The following POLR1A variants were observed in gnomAD, a reference collection of about 807,000 sequenced individuals.
POLR1A encodes RNA polymerase I subunit A, also known as DNA-directed RNA polymerase I subunit RPA1.
Under a neutral mutation model 205.3 loss-of-function variants are expected in POLR1A, and 84 were observed. The observed-to-expected ratio is 0.41, with a 90% CI of 0.34 to 0.49. The LOEUF (loss-of-function observed/expected upper bound fraction) is 0.49, where lower values mean the gene tolerates loss of function less well. Ranked by LOEUF, POLR1A falls within the 20% of genes least tolerant of loss-of-function variation. POLR1A has a pLI of 0.22. For synonymous variants in POLR1A, 799 were observed against 863.7 expected (o/e 0.93, Z 1.31); for missense variants, 1,645 against 2,204.5 (o/e 0.75, Z 5.08).
chr2:86,095,549 G>T (rs1673687952), intron 3 of POLR1A, among the ~76,000 whole-genome samples: 1 of 151,968 alleles, frequency 6.6e-6, no homozygotes, highest in Non-Finnish European at 1.5e-5. Flanking sequence ...ATTTTTAATA[G>T]CACCAGAAAT....
rs546264748 is a variant in POLR1A, at chr2:86,105,012, A to G, written c.77+688T>C. 2.0e-5 allele frequency among the ~76,000 whole-genome samples: 3 copies of G among 152,390 alleles called. No homozygotes were observed. In the South Asian group the frequency reaches 6.2e-4, roughly 32 times the overall value. On this transcript the variant is annotated intron_variant, in intron 1 of 33. Coordinates refer to ENST00000263857, the MANE Select transcript of POLR1A (RefSeq NM_015425.6). ...ACATTTAAGGAGTAAAATGAGGTAC[A>G]GACCTTGCTCACCAATGTGTCATTA...
Position 86,028,094 on chromosome 2 carries a change from C to T in POLR1A, c.4898-45G>A, listed in dbSNP as rs200762493. ...ATTAGGAGGGATTAAGCAGTGACCACGGGAGCAGTCAGCAGACACAAGCCA... is the reference window on the plus strand; with the variant it reads ...ATTAGGAGGGATTAAGCAGTGACCATGGGAGCAGTCAGCAGACACAAGCCA... On this transcript the variant is annotated intron_variant, in intron 32 of 33. Transcript: ENST00000263857. The surrounding 1 kb of genome is among the most constrained non-coding windows in gnomAD (Gnocchi z 4.5). The T allele has an allele frequency of 8.8e-5, 140 of 1,596,266 alleles. No homozygotes were observed. In the Admixed American group the frequency reaches 1.2e-3, roughly 14 times the overall value.
chr2:86,034,673 A>G (rs1388271182), intron 27 of POLR1A, among the ~76,000 whole-genome samples: 1 of 152,144 alleles, frequency 6.6e-6, no homozygotes, highest in Non-Finnish European at 1.5e-5. Flanking sequence ...ACATCCAGCC[A>G]GCCGTCCCAC....
chr2:86,103,320 C>G (rs945685906), intron 1 of POLR1A, among the ~76,000 whole-genome samples: 1 of 151,978 alleles, frequency 6.6e-6, no homozygotes, highest in Non-Finnish European at 1.5e-5. Flanking sequence ...TGGATGTGTG[C>G]CCGTGGTGCT....
intron 6 of POLR1A, among the ~76,000 whole-genome samples, chr2:86,084,770 G>A (rs1037671990): frequency 2.0e-5 from 3 of 146,432 alleles, no homozygotes; most frequent in South Asian, 2.2e-4. Flanking sequence ...AGGTTCATGC[G>A]ATTCTCCTAC....
intron 6 of POLR1A, among the ~76,000 whole-genome samples, chr2:86,086,127 C>T (rs1360692332): frequency 1.3e-5 from 2 of 152,046 alleles, no homozygotes; most frequent in African/African-American, 2.4e-5. Context: ...GGCACAATCT[C>T]GGCTCACTGC....
chr2:86,096,915 G>A (rs1673714664), intron 3 of POLR1A, among the ~76,000 whole-genome samples: 1 of 152,110 alleles, frequency 6.6e-6, no homozygotes, highest in Non-Finnish European at 1.5e-5. Context: ...TCAGTCAACA[G>A]AGTGAAAAGA....
intron 12 of POLR1A, among the ~76,000 whole-genome samples, chr2:86,074,017 T>C (rs575948451): frequency 2.0e-5 from 3 of 152,206 alleles, no homozygotes; most frequent in Non-Finnish European, 4.4e-5. Context: ...AGAGGTGACT[T>C]GATCTATGTT....
In POLR1A at chr2:86,041,951, G is replaced by A. The variant is rs755868436; in HGVS notation, c.3510C>T (p.Tyr1170=). ...CTGTTTGAGCTGCCCACTCTTGACTGTAGTCATCAACCTTTGTTTCAAATG... is the reference window on the plus strand; with the variant it reads ...CTGTTTGAGCTGCCCACTCTTGACTATAGTCATCAACCTTTGTTTCAAATG... The part of the protein sequence containing the change: ...SETFETKVDD[Y]SQEWAAQTEK... Residue 1170 remains tyrosine (Y), a synonymous_variant, in exon 24 of 34, where the codon TAC becomes TAT. Transcript: ENST00000263857. 11 of 1,614,208 alleles carry A rather than the reference G, an allele frequency of 6.8e-6. No homozygotes were observed. The highest frequency in any genetic ancestry group is 8.5e-6 in the Non-Finnish European group (10 of 1,180,016).
At chr2:86,104,804 T>C (rs1673889727) in intron 1 of POLR1A, among the ~76,000 whole-genome samples, 1 of 152,200 alleles carries the variant, frequency 6.6e-6, no homozygotes, top group Non-Finnish European at 1.5e-5. Context: ...GCATTTAAGA[T>C]CTCTGTGTGA....
At chr2:86,045,813 T>C (rs1247348958) in intron 19 of POLR1A, 44 bp from the exon 20 acceptor site, 4 of 1,533,794 alleles carry the variant, frequency 2.6e-6, no homozygotes, top group Non-Finnish European at 1.8e-6. Context: ...TCCACATGTG[T>C]GTTTAACAGT....
chr2:86,068,386 C>CGG (rs543719645), intron 13 of POLR1A, among the ~76,000 whole-genome samples: 428 of 12,216 alleles, frequency 0.035, 63 homozygotes, highest in South Asian at 0.061. Flanking sequence ...AGCACATGGG[C>CGG]GGGGGGGGGG....
intron 21 of POLR1A, among the ~76,000 whole-genome samples, chr2:86,044,641 A>G (rs921194082): frequency 6.6e-6 from 1 of 152,222 alleles, no homozygotes; most frequent in Non-Finnish European, 1.5e-5. Context: ...AGAGCTCCCC[A>G]GAGACCAGTG....
At position 86,052,948 on chromosome 2, in the gene POLR1A, T is replaced by C. The variant is rs1343102784; in HGVS notation, c.2261A>G (p.Tyr754Cys). ...GACCAGGCCGTAGGCGGAGCTCCCA[T>C]AGTGCGCCTTGTCCAGCACTCCGCA... Reference protein sequence around the residue: ...LLCGVLDKAHYGSSAYGLVHC... With the variant: ...LLCGVLDKAHCGSSAYGLVHC... Residue 754 changes from tyrosine (Y) to cysteine (C), a missense_variant, in exon 16 of 34, where the codon TAT becomes TGT. By Grantham distance (194) the Tyr-to-Cys change is radical. Transcript: ENST00000263857. The C allele has an allele frequency of 3.7e-6, 6 of 1,608,490 alleles. No homozygotes were observed. Among genetic ancestry groups the C allele is most frequent in the South Asian group, 3.3e-5 (3 of 90,602 alleles).
intron 31 of POLR1A, 35 bp downstream of exon 31, chr2:86,030,161 T>C (rs1672358024): frequency 6.4e-7 from 1 of 1,560,884 alleles, no homozygotes; most frequent in Non-Finnish European, 8.8e-7. Context: ...TGAGGACTAA[T>C]GCTTTGTCCC....
At chr2:86,032,545 G>A (rs1169727497) in intron 28 of POLR1A, among the ~76,000 whole-genome samples, 163 bp from the exon 29 acceptor site, 5 of 151,600 alleles carry the variant, frequency 3.3e-5, no homozygotes, top group African/African-American at 7.3e-5. Flanking sequence ...AACCCAACCC[G>A]TCTACTGGCA....
rs1233603686 is a variant in POLR1A at position 86,078,140 on chromosome 2, T to C, written c.1231A>G (p.Met411Val). The part of the protein sequence containing the change: ...VFDSEMDKLM[M>V]DKYPGIRQIL... ...TGCCTAATGCCTGGGTACTTGTCCA[T>C]CATTAGTTTGTCCATCTCGCTATCA... is the stretch of plus-strand genomic sequence containing the variant. The change falls in exon 10 of 34, where the codon ATG (methionine) becomes GTG (valine). Residue 411 changes from methionine to valine, a missense_variant. Physicochemically the swap from Met to Val is conservative, Grantham distance 21. This residue lies in a region of POLR1A where 131 missense variants were observed against 214.5 expected (regional missense o/e 0.61). Transcript: ENST00000263857. 1 of 1,613,278 alleles carries C rather than the reference T, an allele frequency of 6.2e-7. No individual in the cohort carries two copies. Among genetic ancestry groups the C allele is most frequent in the Admixed American group, 1.7e-5 (1 of 59,780 alleles).
chr2:86,071,402 C>T (rs189169016), intron 12 of POLR1A, among the ~76,000 whole-genome samples: 14 of 152,216 alleles, frequency 9.2e-5, no homozygotes, highest in Admixed American at 5.9e-4. Context: ...ACGATCTTCC[C>T]GCCTTGGCCT....
chr2:86,044,353 G>C lies in POLR1A; in HGVS notation c.2970-49C>G. On this transcript the variant is annotated intron_variant, in intron 21 of 33. Transcript: ENST00000263857. ...TCCCCGCCGGCCCATCACCTCCCCA[G>C]GGCAGCCTCTGATGAGGGTTGGGGG... 3 of 1,606,346 alleles carry C rather than the reference G, an allele frequency of 1.9e-6. 1 individual carries two copies. The South Asian group carries it at 3.3e-5, about 18-fold the overall frequency.
Sources: allele counts gnomAD v4.1 joint callset (sites outside exome capture counted in the v4.1 genomes callset), GRCh38; gene constraint gnomAD v4.1.1; regional missense constraint gnomAD v4.1.1; non-coding constraint Gnocchi (gnomAD v3.1); transcripts MANE v1.5; gene names NCBI Gene and HGNC (gene_info 2026-07-23, HGNC 2026-07-21).